ANKRD30BL: variants seen among roughly 807,000 people sequenced by gnomAD.
ANKRD30BL encodes ankyrin repeat domain 30B like, also known as putative ankyrin repeat domain-containing protein 30B-like.
In ANKRD30BL, 20 loss-of-function variants were observed where a neutral mutation model predicts 18.4. That is an observed-to-expected ratio of 1.09 (90% confidence interval 0.77 to 1.58). The LOEUF is 1.58. ANKRD30BL is among the 40% of genes most tolerant of loss of function. The probability of loss-of-function intolerance (pLI) is 0.00; values close to 1 mark genes in which losing one functional copy is unlikely to be tolerated. For synonymous variants in ANKRD30BL, 72 were observed against 100.9 expected, an observed-to-expected ratio of 0.71 and a Z score of 1.72; for missense variants, 224 against 268.6, an observed-to-expected ratio of 0.83 and a Z score of 1.16.
At chr2:132,223,836 C>A (rs553083228) in intron 1 of ANKRD30BL, among the ~76,000 whole-genome samples, 1 of 151,740 alleles carries the variant, frequency 6.6e-6, no homozygotes, top group Admixed American at 6.6e-5. Context: ...AAGTCATTTG[C>A]TATGTTTGCC....
chr2:132,198,533 T>C (rs28613920), intron 1 of ANKRD30BL, among the ~76,000 whole-genome samples: 16,741 of 151,224 alleles, frequency 0.11, 3,058 homozygotes, highest in African/African-American at 0.38. Context: ...CTGTGTTAGC[T>C]AGGATGGTCT....
intron 1 of ANKRD30BL, among the ~76,000 whole-genome samples, chr2:132,231,661 T>C (rs1371923238): frequency 2.0e-5 from 3 of 152,162 alleles, no homozygotes; most frequent in Non-Finnish European, 4.4e-5. Flanking sequence ...CACGAGATTA[T>C]ATCCCGCACC....
chr2:132,241,345 T>C (rs1680316181), intron 1 of ANKRD30BL, among the ~76,000 whole-genome samples: 1 of 151,790 alleles, frequency 6.6e-6, no homozygotes, highest in Admixed American at 6.6e-5. Flanking sequence ...CGGGTATATC[T>C]TCACATAAAA....
At chr2:132,222,577 A>T (rs183600721) in intron 1 of ANKRD30BL, among the ~76,000 whole-genome samples, 4 of 152,190 alleles carry the variant, frequency 2.6e-5, no homozygotes, top group African/African-American at 9.6e-5. Flanking sequence ...GTGTCCACTC[A>T]GTGTTAAATG....
intron 1 of ANKRD30BL, among the ~76,000 whole-genome samples, chr2:132,224,895 A>G (rs373710781): frequency 5.3e-5 from 8 of 152,044 alleles, no homozygotes; most frequent in Non-Finnish European, 1.0e-4. Context: ...CTTGCTTTTC[A>G]TAGAGCAGGT....
At chr2:132,241,128 T>C (rs558112017) in intron 1 of ANKRD30BL, among the ~76,000 whole-genome samples, 28 of 151,660 alleles carry the variant, frequency 1.8e-4, no homozygotes, top group Admixed American at 5.3e-4. Flanking sequence ...TATCTGCAAG[T>C]GGAAACTTGG....
chr2:132,224,781 G>A (rs573820057), intron 1 of ANKRD30BL, among the ~76,000 whole-genome samples: 36 of 152,146 alleles, frequency 2.4e-4, no homozygotes, highest in South Asian at 6.2e-4. Context: ...TATTTTGACC[G>A]CTTTGAGGCA....
rs548523726 is a variant in ANKRD30BL at position 132,221,362 on chromosome 2, G to T, written n.441+36167C>A. Among the ~76,000 whole-genome samples the T allele has an allele frequency of 7.5e-3, 1,009 of 134,396 alleles. 3 individuals carry two copies. Among genetic ancestry groups the T allele is most frequent in the Non-Finnish European group, 0.012 (742 of 63,088 alleles). The allele number at this position is 134,396 out of a possible 152,430, so 88.2% of individuals were successfully genotyped here. ...GCCCGGCCAGCCGCCCAGTCCGGGA[G>T]GGGGGAGGGGGGGTCAGCCCCCTGC... On this transcript the variant is annotated intron_variant and non_coding_transcript_variant, in intron 1 of 4. Transcript: ENST00000470729.
In ANKRD30BL at chr2:132,168,516, T is replaced by C. The variant is rs193051074; in HGVS notation, n.442-11370A>G. On this transcript the variant is annotated intron_variant and non_coding_transcript_variant, in intron 1 of 4. Coordinates refer to the ANKRD30BL transcript ENST00000470729. ...TAAGCCAGACACAGAAAGACAAATA[T>C]ACTGCATAATCTTATTTATCTGTGA... 4.6e-3 allele frequency among the ~76,000 whole-genome samples: 696 copies of C among 152,320 alleles called. 11 individuals are homozygous for C. Among genetic ancestry groups the C allele is most frequent in the African/African-American group, 0.016 (660 of 41,580 alleles).
At chr2:132,156,782 A>G (rs1013282016) in intron 3 of ANKRD30BL, 191 bp downstream of exon 3, 13 of 339,246 alleles carry the variant, frequency 3.8e-5, no homozygotes, top group East Asian at 2.3e-4. Flanking sequence ...TAATGCACAG[A>G]AAAGCCATAC....
At chr2:132,247,447 G>A (rs376390854) in intron 1 of ANKRD30BL, among the ~76,000 whole-genome samples, 1 of 151,376 alleles carries the variant, frequency 6.6e-6, no homozygotes, top group Non-Finnish European at 1.5e-5. Context: ...AGGCATCATT[G>A]GGTTCAGAAA....
intron 1 of ANKRD30BL, among the ~76,000 whole-genome samples, chr2:132,234,823 C>T (rs911243383): frequency 2.0e-5 from 3 of 152,150 alleles, no homozygotes; most frequent in African/African-American, 7.2e-5. Context: ...GGAATCCTCC[C>T]TAACTCATTT....
At chr2:132,205,376 C>T (rs1272340706) in intron 1 of ANKRD30BL, among the ~76,000 whole-genome samples, 2 of 146,260 alleles carry the variant, frequency 1.4e-5, no homozygotes, top group South Asian at 2.1e-4. Flanking sequence ...TTTGGGAGGC[C>T]GAGGCGGGCG....
intron 1 of ANKRD30BL, among the ~76,000 whole-genome samples, chr2:132,171,767 G>A (rs1054844757): frequency 6.6e-6 from 1 of 152,014 alleles, no homozygotes; most frequent in Non-Finnish European, 1.5e-5. Context: ...AATTTTAAAT[G>A]AACAGTTCAG....
chr2:132,256,695 C>A (rs1358546121), intron 1 of ANKRD30BL, among the ~76,000 whole-genome samples: 4 of 152,244 alleles, frequency 2.6e-5, no homozygotes, highest in Non-Finnish European at 5.9e-5. Context: ...GACCCCAAAC[C>A]CTCCGGGTGT....
chr2:132,249,487 T>A (rs531295858), intron 1 of ANKRD30BL, among the ~76,000 whole-genome samples: 1 of 152,192 alleles, frequency 6.6e-6, no homozygotes, highest in Admixed American at 6.5e-5. Flanking sequence ...TTTTTCAACA[T>A]AGGCTTCAAA....
chr2:132,170,147 G>A (rs1389799510), intron 1 of ANKRD30BL, among the ~76,000 whole-genome samples: 2 of 152,016 alleles, frequency 1.3e-5, no homozygotes, highest in African/African-American at 4.8e-5. Flanking sequence ...TTTTCTCTGA[G>A]AATTCAGAAA....
intron 1 of ANKRD30BL, among the ~76,000 whole-genome samples, chr2:132,247,025 G>A (rs1162154139): frequency 1.4e-4 from 21 of 152,108 alleles, no homozygotes; most frequent in Admixed American, 1.3e-3. Context: ...TCTTTGTGAT[G>A]TTTGCATTCA....
intron 1 of ANKRD30BL, among the ~76,000 whole-genome samples, chr2:132,246,786 C>A (rs895399121): frequency 2.6e-5 from 4 of 151,622 alleles, no homozygotes; most frequent in African/African-American, 9.7e-5. Context: ...TCTTTGAGGG[C>A]TATGGTGAAA....
Sources: allele counts gnomAD v4.1 joint callset (sites outside exome capture counted in the v4.1 genomes callset), GRCh38; gene constraint gnomAD v4.1.1; transcripts MANE v1.5; gene names NCBI Gene and HGNC (gene_info 2026-07-23, HGNC 2026-07-21).